The following TMTC3 variants were observed in gnomAD, a reference collection of about 807,000 sequenced individuals.
The protein encoded by TMTC3 is protein O-mannosyl-transferase TMTC3.
Under a neutral mutation model 92.2 loss-of-function variants are expected in TMTC3, and 52 were observed. The ratio of observed to expected loss-of-function variants is 0.56; its 90% CI spans 0.45 to 0.71. TMTC3 has a LOEUF of 0.71. Ranked by LOEUF, TMTC3 falls within the 30% of genes least tolerant of loss-of-function variation. The pLI is 0.00. For missense variants in TMTC3, 896 were observed against 1,057.1 expected (o/e 0.85, Z 2.11); for synonymous variants, 339 against 363.3 (o/e 0.93, Z 0.76).
intron 7 of TMTC3, among the ~76,000 whole-genome samples, chr12:88,169,927 G>A (rs1467552422): frequency 1.0e-5 from 1 of 95,426 alleles, no homozygotes; most frequent in Non-Finnish European, 2.0e-5. Flanking sequence ...TGACAGACAA[G>A]ACCCTGTCAG....
intron 3 of TMTC3, 95 bp downstream of exon 3, chr12:88,153,604 AT>A: frequency 3.2e-6 from 2 of 628,644 alleles, no homozygotes; most frequent in Admixed American, 3.6e-5. Flanking sequence ...AAAAAAAAAA[AT>A]TAACCCTGAC....
At chr12:88,178,211 T>G (rs2138417319) in intron 10 of TMTC3, among the ~76,000 whole-genome samples, 1 of 152,290 alleles carries the variant, frequency 6.6e-6, no homozygotes, top group South Asian at 2.1e-4. Context: ...AAAGCTAAGT[T>G]TCAATTAGAG....
intron 10 of TMTC3, 133 bp downstream of exon 10, chr12:88,176,452 T>A (rs2041260582): frequency 3.2e-6 from 2 of 615,680 alleles, no homozygotes; most frequent in Admixed American, 6.1e-5. Context: ...GTGCTTATTT[T>A]GAACTGGATT....
At chr12:88,175,701 A>G (rs923300041) in intron 9 of TMTC3, among the ~76,000 whole-genome samples, 5 of 152,198 alleles carry the variant, frequency 3.3e-5, no homozygotes, top group African/African-American at 1.2e-4. Context: ...AACGACTGCA[A>G]TTAGTTCCTT....
chr12:88,188,498 TTTC>T (rs2041403523), intron 10 of TMTC3, among the ~76,000 whole-genome samples: 1 of 152,196 alleles, frequency 6.6e-6, no homozygotes, highest in African/African-American at 2.4e-5. Context: ...GTAATAAAAA[TTTC>T]TTCATTACCT....
chr12:88,198,578 A>G lies in TMTC3; in HGVS notation c.*2929A>G. ...CTGAAATTGGTAACTTGGAGAGTAA[A>G]ATAACGTATTTTGCTTTTCAATTTT... On this transcript the variant is annotated 3_prime_UTR_variant, in exon 14 of 14. Coordinates refer to ENST00000266712, the MANE Select transcript of TMTC3 (RefSeq NM_181783.4). 2.5e-6 allele frequency: 1 copy of G among 394,306 alleles called. No individual in the cohort carries two copies. The highest frequency in any genetic ancestry group is 1.4e-4 in the South Asian group (1 of 7,008). The allele number at this position is 394,306 out of a possible 1,614,324, so 24.4% of individuals were successfully genotyped here.
chr12:88,143,330 A>C (rs1253811460), intron 1 of TMTC3, among the ~76,000 whole-genome samples: 1 of 152,228 alleles, frequency 6.6e-6, no homozygotes, highest in Non-Finnish European at 1.5e-5. Flanking sequence ...TAAAGACATT[A>C]GTTAGATTTA....
At position 88,160,807 on chromosome 12, in the gene TMTC3, G is replaced by A. The variant is rs557883369; in HGVS notation, c.753G>A (p.Val251=). ...TGTTCAGTACATTATTACTTGTTGTGATTAGAGTCCAGGTTATTCAATCCC... is the reference window on the plus strand; with the variant it reads ...TGTTCAGTACATTATTACTTGTTGTAATTAGAGTCCAGGTTATTCAATCCC... The part of the protein sequence containing the change: ...VLMFSTLLLV[V]IRVQVIQSQL... Residue 251 remains valine, a synonymous_variant, in exon 6 of 14, where the codon GTG becomes GTA. Transcript: ENST00000266712. The A allele has an allele frequency of 1.9e-6, 3 of 1,612,972 alleles. No homozygotes were observed. The South Asian group carries it at 3.3e-5, about 18-fold the overall frequency.
At chr12:88,184,555 T>A (rs2041354882) in intron 10 of TMTC3, among the ~76,000 whole-genome samples, 1 of 152,074 alleles carries the variant, frequency 6.6e-6, no homozygotes, top group Non-Finnish European at 1.5e-5. Flanking sequence ...GGCAAAAAAG[T>A]GATGTATAAT....
In TMTC3 at chr12:88,160,204, TG is replaced by T; in HGVS notation, c.600del (p.Tyr201MetfsTer36). On this transcript the variant is annotated frameshift_variant, in exon 5 of 14. Transcript: ENST00000266712. LOFTEE classifies it high-confidence loss of function. ...QGITVVGICC[V>X]YEVFIAQGYT... ...ATAACAGTTGTAGGAATTTGCTGTG[TG>T]TATGAAGTGTTTATTGCCCAGGGGG... 1 of 1,569,860 alleles carries T rather than the reference TG, an allele frequency of 6.4e-7. No homozygotes were observed. The highest frequency in any genetic ancestry group is 8.6e-7 in the Non-Finnish European group (1 of 1,162,036).
intron 3 of TMTC3, 88 bp from the exon 4 acceptor site, chr12:88,154,200 C>T (rs897063638): frequency 1.3e-5 from 12 of 945,838 alleles, no homozygotes; most frequent in African/African-American, 3.4e-5. Flanking sequence ...TGAAAAGTTA[C>T]GGAAATTAAA....
At chr12:88,183,136 G>A (rs1431918880) in intron 10 of TMTC3, among the ~76,000 whole-genome samples, 1 of 152,034 alleles carries the variant, frequency 6.6e-6, no homozygotes, top group Non-Finnish European at 1.5e-5. Flanking sequence ...TAATTCATGG[G>A]CCAACTAATT....
Position 88,154,393 on chromosome 12 carries a change from T to G in TMTC3, c.508+6T>G. On this transcript the variant is annotated splice_donor_region_variant and intron_variant, in intron 4 of 13. Transcript: ENST00000266712. ...AGGACCAGACAATTCCATAAGTACATGTCTCACATTTGATTTTTTTTTAAT... is the reference window on the plus strand; with the variant it reads ...AGGACCAGACAATTCCATAAGTACAGGTCTCACATTTGATTTTTTTTTAAT... 6.4e-7 allele frequency: 1 copy of G among 1,567,106 alleles called. No homozygotes were observed. The highest frequency in any genetic ancestry group is 8.6e-7 in the Non-Finnish European group (1 of 1,163,832).
chr12:88,190,662 G>A (rs575221161), intron 12 of TMTC3, 40 bp downstream of exon 12: 2 of 1,588,222 alleles, frequency 1.3e-6, no homozygotes, highest in East Asian at 2.2e-5. Context: ...ATGGAATATT[G>A]AAACTGCATC....
At chr12:88,156,496 G>A (rs1479867643) in intron 4 of TMTC3, among the ~76,000 whole-genome samples, 6 of 152,150 alleles carry the variant, frequency 3.9e-5, no homozygotes, top group Admixed American at 1.3e-4. Context: ...TTAAATGGTA[G>A]CTCTGTAGAA....
chr12:88,148,147 C>G, intron 1 of TMTC3, 141 bp from the exon 2 acceptor site: 2 of 568,450 alleles, frequency 3.5e-6, no homozygotes, highest in East Asian at 2.9e-5. Context: ...ATGTGACTAG[C>G]TTATGCTTCT....
At chr12:88,165,443 G>A (rs767911303) in intron 6 of TMTC3, among the ~76,000 whole-genome samples, 18 of 151,870 alleles carry the variant, frequency 1.2e-4, no homozygotes, top group East Asian at 3.9e-4. Flanking sequence ...GTGAGATTCC[G>A]TATGAAAATT....
chr12:88,157,553 T>G (rs2041026095), intron 4 of TMTC3, among the ~76,000 whole-genome samples: 1 of 152,066 alleles, frequency 6.6e-6, no homozygotes, highest in African/African-American at 2.4e-5. Flanking sequence ...TTCATCCTCT[T>G]TTTTTCTCTA....
chr12:88,161,083 T>A (rs1186577077), intron 6 of TMTC3, among the ~76,000 whole-genome samples: 1 of 152,102 alleles, frequency 6.6e-6, no homozygotes, highest in East Asian at 1.9e-4. Flanking sequence ...CCCAAACTGG[T>A]TAAGTGTTAA....
Sources: gnomAD v4.1 joint callset for allele counts (sites outside exome capture counted in the v4.1 genomes callset) on GRCh38, gnomAD v4.1.1 for gene constraint, MANE v1.5 for transcripts, NCBI Gene and HGNC (gene_info 2026-07-23, HGNC 2026-07-21) for gene names.